Variants in RASA3 observed in about 807,000 individuals in gnomAD.
RASA3 encodes RAS p21 protein activator 3.
A neutral mutation model predicts 110.0 loss-of-function variants in RASA3; 73 were observed. That is an observed-to-expected ratio of 0.66 (90% CI 0.55 to 0.81). RASA3 has a LOEUF of 0.81. RASA3 is among the 30% of genes least tolerant of loss of function. The pLI is 0.00. For synonymous variants in RASA3, 500 were observed against 451.4 expected, an observed-to-expected ratio of 1.11 and a Z score of -1.37; for missense variants, 976 against 1,113.2, an observed-to-expected ratio of 0.88 and a Z score of 1.75.
At chr13:114,003,500 G>A (rs1475585643) in intron 18 of RASA3, among the ~76,000 whole-genome samples, 4 of 152,208 alleles carry the variant, frequency 2.6e-5, no homozygotes, top group Non-Finnish European at 5.9e-5. Flanking sequence ...CCTCTTCAAA[G>A]TTTCCCTTCT....
intron 2 of RASA3, among the ~76,000 whole-genome samples, 165 bp from the exon 3 acceptor site, chr13:114,052,320 C>T (rs540559554): frequency 5.3e-5 from 8 of 152,310 alleles, no homozygotes; most frequent in African/African-American, 1.2e-4. Context: ...TGAAGGGCCT[C>T]GTAGCTGCTC....
chr13:113,980,576 C>T (rs922260324), intron 23 of RASA3, among the ~76,000 whole-genome samples: 1 of 152,254 alleles, frequency 6.6e-6, no homozygotes, highest in African/African-American at 2.4e-5. Flanking sequence ...AACCTGCTGG[C>T]TTTTGGCCAT....
intron 17 of RASA3, among the ~76,000 whole-genome samples, chr13:114,008,974 C>T (rs2053573402): frequency 6.8e-6 from 1 of 146,486 alleles, no homozygotes; most frequent in Non-Finnish European, 1.5e-5. Flanking sequence ...GCGTTCCTAA[C>T]TGTGGGGAGG....
chr13:113,997,916 T>A (rs1166934072), intron 20 of RASA3, among the ~76,000 whole-genome samples: 1 of 151,608 alleles, frequency 6.6e-6, no homozygotes, highest in Non-Finnish European at 1.5e-5. Flanking sequence ...GGTCTCGGAC[T>A]GGACGCCCCC....
In RASA3 at chr13:114,040,146, T is replaced by C. The variant is rs1010367393; in HGVS notation, c.372+854A>G. ...AGTTGTGCATGACAAAGGGCGGCAG[T>C]AGGCAAAGGGAAAACCCAAAATCCA... is the stretch of plus-strand genomic sequence containing the variant. On this transcript the variant is annotated intron_variant, in intron 4 of 23. Transcript: ENST00000334062. Among the ~76,000 whole-genome samples, 5 of 152,374 alleles carry C rather than the reference T, an allele frequency of 3.3e-5. 1 individual carries two copies. In the South Asian group the frequency reaches 8.3e-4, roughly 25 times the overall value.
chr13:114,068,409 C>T lies in RASA3; in HGVS notation c.173+5311G>A, dbSNP rs531870947. Among the ~76,000 whole-genome samples the T allele has an allele frequency of 2.4e-4, 36 of 152,340 alleles. No individual in the cohort carries two copies. In the East Asian group the frequency reaches 5.6e-3, roughly 24 times the overall value. The stretch of plus-strand genomic sequence containing the variant: ...GCAGGCAGGGACAGACACCATTCCA[C>T]GTCCTTACGTGGATGGAAGGAAATG... On this transcript the variant is annotated intron_variant, in intron 2 of 23. Coordinates refer to ENST00000334062, the MANE Select transcript of RASA3 (RefSeq NM_007368.4).
At chr13:114,015,149 G>A in intron 14 of RASA3, 60 bp downstream of exon 14, 3 of 1,596,330 alleles carry the variant, frequency 1.9e-6, no homozygotes, top group South Asian at 2.2e-5. Flanking sequence ...CTGGGTGGGA[G>A]TCACCCTGCA....
intron 1 of RASA3, among the ~76,000 whole-genome samples, chr13:114,123,002 A>C (rs1379227625): frequency 6.6e-6 from 1 of 152,234 alleles, no homozygotes; most frequent in Non-Finnish European, 1.5e-5. Flanking sequence ...TGTGGTCATC[A>C]GAGTCCACCA....
At chr13:114,031,367 G>A (rs552785243) in intron 4 of RASA3, among the ~76,000 whole-genome samples, 14 of 151,644 alleles carry the variant, frequency 9.2e-5, no homozygotes, top group Middle Eastern at 3.4e-3. Flanking sequence ...GTGTGTGTGC[G>A]ACTATGTGTG....
chr13:114,080,295 G>T (rs955750104), intron 1 of RASA3, among the ~76,000 whole-genome samples: 1 of 152,206 alleles, frequency 6.6e-6, no homozygotes, highest in Non-Finnish European at 1.5e-5. Context: ...GCTGCTGGGA[G>T]CCCCTGGCAC....
intron 3 of RASA3, among the ~76,000 whole-genome samples, chr13:114,043,444 C>T (rs1210243895): frequency 6.6e-6 from 1 of 152,152 alleles, no homozygotes; most frequent in African/African-American, 2.4e-5. Context: ...CTGGAAAAAG[C>T]CCCTTCCCAG....
At chr13:114,101,098 G>T (rs1244873723) in intron 1 of RASA3, among the ~76,000 whole-genome samples, 1 of 152,186 alleles carries the variant, frequency 6.6e-6, no homozygotes, top group Non-Finnish European at 1.5e-5. Context: ...CACATGGATG[G>T]CCTGTGCAGT....
At chr13:113,979,698 A>G (rs2052863438) in intron 23 of RASA3, among the ~76,000 whole-genome samples, 1 of 152,178 alleles carries the variant, frequency 6.6e-6, no homozygotes, top group Non-Finnish European at 1.5e-5. Flanking sequence ...TGGAATATGT[A>G]GAGTGTATGG....
chr13:114,030,537 G>C (rs150861256), intron 4 of RASA3, among the ~76,000 whole-genome samples: 4,241 of 123,718 alleles, frequency 0.034, 96 homozygotes, highest in Non-Finnish European at 0.062. Context: ...CTCACACAGA[G>C]GGCAAGACTC....
At position 114,004,847 on chromosome 13, in the gene RASA3, C is replaced by T. The variant is rs549962175; in HGVS notation, c.1742+2686G>A. 1.1e-4 allele frequency among the ~76,000 whole-genome samples: 16 copies of T among 152,336 alleles called. No homozygotes were observed. In the South Asian group the frequency reaches 3.3e-3, roughly 32 times the overall value. On this transcript the variant is annotated intron_variant, in intron 18 of 23. Coordinates refer to ENST00000334062, the MANE Select transcript of RASA3 (RefSeq NM_007368.4). ...CGTACGTTTACCGCTGAACCACTCA[C>T]AACAGCAAAGACACGGAATCCACGT...
chr13:114,039,658 A>G (rs1330416604), intron 4 of RASA3, among the ~76,000 whole-genome samples: 1 of 151,302 alleles, frequency 6.6e-6, no homozygotes, highest in Admixed American at 6.6e-5. Flanking sequence ...GAGCTGGTGC[A>G]GGCTTGGGCT....
At chr13:114,070,516 G>A (rs1018977646) in intron 2 of RASA3, among the ~76,000 whole-genome samples, 4 of 152,170 alleles carry the variant, frequency 2.6e-5, no homozygotes, top group African/African-American at 9.7e-5. Context: ...TGTATGGGGT[G>A]GGTTGATTTG....
intron 12 of RASA3, 68 bp from the exon 13 acceptor site, chr13:114,016,339 G>C (rs1318022879): frequency 6.6e-6 from 8 of 1,213,032 alleles, no homozygotes; most frequent in Non-Finnish European, 8.6e-6. Context: ...GGGTGGAAGG[G>C]GTCTCAGGCC....
At position 114,041,004 on chromosome 13, in the gene RASA3, A is replaced by G. The variant is rs1566515857; in HGVS notation, c.368T>C (p.Val123Ala). ...QLQHVDADSEVQGKVHLELRL... is the reference protein window; with the variant it reads ...QLQHVDADSEAQGKVHLELRL... ...GGGCTGCGCCGAGAGTCTCACCTGC[A>G]CTTCCGAGTCAGCGTCCACGTGCTG... The change falls in exon 4 of 24, where the codon GTG becomes GCG. Residue 123 changes from valine (V) to alanine (A), a missense_variant. Val to Ala is a moderately conservative substitution (Grantham distance 64). Transcript: ENST00000334062. 1.2e-6 allele frequency: 2 copies of G among 1,613,546 alleles called. No homozygotes were observed. Among genetic ancestry groups the G allele is most frequent in the African/African-American group, 1.3e-5 (1 of 75,050 alleles).
Sources: gnomAD v4.1 joint callset for allele counts (sites outside exome capture counted in the v4.1 genomes callset) on GRCh38, gnomAD v4.1.1 for gene constraint, MANE v1.5 for transcripts, NCBI Gene and HGNC (gene_info 2026-07-23, HGNC 2026-07-21) for gene names.